The following LINC00305 variants were observed in gnomAD, a reference collection of about 807,000 sequenced individuals.
LINC00305 encodes the protein long intergenic non-protein coding RNA 305.
At chr18:64,129,478 A>G (rs568670875) in intron 1 of LINC00305, among the ~76,000 whole-genome samples, 8 of 152,248 alleles carry the variant, frequency 5.3e-5, no homozygotes, top group Admixed American at 6.5e-5. Flanking sequence ...GGATGCCCCA[A>G]TGCTTCACAG....
At chr18:64,093,973 G>C (rs1382409235) in intron 3 of LINC00305, among the ~76,000 whole-genome samples, 1 of 152,064 alleles carries the variant, frequency 6.6e-6, no homozygotes, top group Non-Finnish European at 1.5e-5. Context: ...AGTACCATCA[G>C]TTGCGAAAAA....
chr18:64,127,090 C>G (rs981302734), intron 1 of LINC00305, among the ~76,000 whole-genome samples: 6 of 152,060 alleles, frequency 3.9e-5, no homozygotes, highest in African/African-American at 1.4e-4. Flanking sequence ...CGCCCCCTGC[C>G]AAGTAACCAA....
chr18:64,122,800 T>C (rs2051367928), intron 1 of LINC00305, among the ~76,000 whole-genome samples: 1 of 152,162 alleles, frequency 6.6e-6, no homozygotes, highest in Admixed American at 6.5e-5. Flanking sequence ...ATGATATCAA[T>C]ATTAATTCTT....
At chr18:64,092,827 TGC>T (rs760750529) in intron 3 of LINC00305, among the ~76,000 whole-genome samples, 3 of 152,318 alleles carry the variant, frequency 2.0e-5, no homozygotes, top group East Asian at 3.9e-4. Context: ...AATGAGAAGC[TGC>T]TCAGAATACA....
chr18:64,091,120 A>G (rs970058062), intron 3 of LINC00305, among the ~76,000 whole-genome samples: 1 of 152,236 alleles, frequency 6.6e-6, no homozygotes, highest in Non-Finnish European at 1.5e-5. Context: ...AGCAAATAAC[A>G]TGCTAGTGTT....
intron 1 of LINC00305, chr18:64,127,531 T>C (rs1362118588): frequency 6.6e-6 from 1 of 152,154 alleles, no homozygotes; most frequent in Admixed American, 6.6e-5. Context: ...TGCCTCCTTG[T>C]AGCTTAATGA....
intron 1 of LINC00305, among the ~76,000 whole-genome samples, chr18:64,098,877 A>AT (rs2051257457): frequency 6.6e-6 from 1 of 152,154 alleles, no homozygotes; most frequent in African/African-American, 2.4e-5. Flanking sequence ...TGACAAAAAT[A>AT]TTGGGTAGGG....
intron 1 of LINC00305, among the ~76,000 whole-genome samples, chr18:64,109,420 A>G (rs1010607973): frequency 3.3e-5 from 5 of 152,220 alleles, no homozygotes; most frequent in African/African-American, 9.7e-5. Flanking sequence ...TAGTAGTAGA[A>G]ATAGGAATTA....
intron 1 of LINC00305, chr18:64,148,650 T>G (rs533269104): frequency 6.6e-6 from 1 of 152,348 alleles, no homozygotes; most frequent in East Asian, 1.9e-4. Context: ...TCTTGGCTAT[T>G]CTTTTTCTTA....
chr18:64,146,950 T>C (rs1217918446), intron 1 of LINC00305, among the ~76,000 whole-genome samples: 1 of 152,194 alleles, frequency 6.6e-6, no homozygotes, highest in African/African-American at 2.4e-5. Flanking sequence ...AGCAAGTCAA[T>C]TTGTATGTTT....
Position 64,080,977 on chromosome 18 carries a change from A to T in LINC00305, n.541-575T>A, listed in dbSNP as rs149560525. 1.3e-3 allele frequency among the ~76,000 whole-genome samples: 192 copies of T among 152,330 alleles called. 1 individual carries two copies. Among genetic ancestry groups the T allele is most frequent in the African/African-American group, 4.3e-3 (179 of 41,584 alleles). On this transcript the variant is annotated intron_variant and non_coding_transcript_variant, in intron 3 of 3. Coordinates refer to ENST00000666468, the Ensembl canonical transcript of LINC00305. Reference sequence around the variant, plus strand: ...CTAGTCCAATTTTTTTATTGTACAGATAAAAGAAATTGGTCTCAAGATACA... The same window carrying T: ...CTAGTCCAATTTTTTTATTGTACAGTTAAAAGAAATTGGTCTCAAGATACA...
intron 1 of LINC00305, among the ~76,000 whole-genome samples, chr18:64,144,843 G>A (rs1056134828): frequency 3.3e-5 from 5 of 152,190 alleles, no homozygotes; most frequent in Non-Finnish European, 5.9e-5. Flanking sequence ...ATGAATGGAC[G>A]TGTAGTCAGG....
intron 1 of LINC00305, among the ~76,000 whole-genome samples, chr18:64,122,433 G>T (rs1429321152): frequency 6.6e-6 from 1 of 151,942 alleles, no homozygotes; most frequent in Non-Finnish European, 1.5e-5. Flanking sequence ...ACTATTTATT[G>T]AAAAGGTTGT....
intron 1 of LINC00305, among the ~76,000 whole-genome samples, chr18:64,129,969 A>G (rs2051401844): frequency 6.6e-6 from 1 of 150,666 alleles, no homozygotes; most frequent in South Asian, 2.1e-4. Context: ...TTGTCTGTGC[A>G]TGTCATTTTC....
At chr18:64,081,504 G>T (rs1407313832) in intron 3 of LINC00305, among the ~76,000 whole-genome samples, 1 of 152,140 alleles carries the variant, frequency 6.6e-6, no homozygotes, top group Non-Finnish European at 1.5e-5. Context: ...AGGAAAAAAT[G>T]TTCTCAAAAG....
At chr18:64,142,935 T>C (rs751707764) in intron 1 of LINC00305, among the ~76,000 whole-genome samples, 13 of 152,150 alleles carry the variant, frequency 8.5e-5, no homozygotes, top group Non-Finnish European at 1.9e-4. Context: ...TAAAATAGTG[T>C]TCAATTTGAA....
intron 1 of LINC00305, among the ~76,000 whole-genome samples, chr18:64,105,370 A>G (rs930307977): frequency 1.3e-5 from 2 of 152,130 alleles, no homozygotes; most frequent in African/African-American, 4.8e-5. Context: ...CTGAGGTGGG[A>G]GGATCTCTTG....
At chr18:64,099,486 C>T (rs2051259920) in intron 1 of LINC00305, among the ~76,000 whole-genome samples, 1 of 152,008 alleles carries the variant, frequency 6.6e-6, no homozygotes, top group Non-Finnish European at 1.5e-5. Context: ...AGGGTTGGAC[C>T]CAGAGATGGA....
chr18:64,086,609 G>A (rs2051204627), intron 3 of LINC00305, among the ~76,000 whole-genome samples: 2 of 152,226 alleles, frequency 1.3e-5, no homozygotes, highest in Non-Finnish European at 2.9e-5. Context: ...TCTATTGAGA[G>A]TGTGCATCTT....
Sources: gnomAD v4.1 joint callset for allele counts (sites outside exome capture counted in the v4.1 genomes callset) on GRCh38, gnomAD v4.1.1 for gene constraint, MANE v1.5 for transcripts, NCBI Gene and HGNC (gene_info 2026-07-23, HGNC 2026-07-21) for gene names.